Variants in PDZRN3 observed in about 807,000 individuals in gnomAD.
PDZRN3 encodes E3 ubiquitin-protein ligase PDZRN3.
A neutral mutation model predicts 85.7 loss-of-function variants in PDZRN3; 38 were observed. The observed-to-expected ratio is 0.44, with a 90% CI of 0.34 to 0.58. The LOEUF (loss-of-function observed/expected upper bound fraction) is 0.58, where lower values mean the gene tolerates loss of function less well. Ranked by LOEUF, PDZRN3 falls within the 20% of genes least tolerant of loss-of-function variation. The probability of loss-of-function intolerance (pLI) is 0.01; values close to 1 mark genes in which losing one functional copy is unlikely to be tolerated. For missense variants in PDZRN3, 1,629 were observed against 1,506.4 expected, an observed-to-expected ratio of 1.08 and a Z score of -1.35; for synonymous variants, 759 against 638.0, an observed-to-expected ratio of 1.19 and a Z score of -2.86.
chr3:73,524,867 T>C (rs995288280), intron 3 of PDZRN3, among the ~76,000 whole-genome samples: 1 of 151,224 alleles, frequency 6.6e-6, no homozygotes, highest in Non-Finnish European at 1.5e-5. Flanking sequence ...GGGCAGGAGA[T>C]CTATGATTTT....
At chr3:73,539,920 C>T (rs1235637615) in intron 3 of PDZRN3, among the ~76,000 whole-genome samples, 1 of 151,640 alleles carries the variant, frequency 6.6e-6, no homozygotes, top group Non-Finnish European at 1.5e-5. Flanking sequence ...TTGTGGTGAG[C>T]ATAAATATAC....
intron 3 of PDZRN3, among the ~76,000 whole-genome samples, chr3:73,457,748 G>A (rs1703015986): frequency 6.6e-6 from 1 of 152,100 alleles, no homozygotes; most frequent in Non-Finnish European, 1.5e-5. Context: ...AGACCTCAAC[G>A]AATGCCATGA....
chr3:73,557,349 C>T (rs775614338), intron 3 of PDZRN3, among the ~76,000 whole-genome samples: 11 of 152,194 alleles, frequency 7.2e-5, no homozygotes, highest in Admixed American at 3.9e-4. Flanking sequence ...ACAACAGCTG[C>T]TTCAAGTTAA....
At chr3:73,491,362 G>A (rs1225049239) in intron 3 of PDZRN3, among the ~76,000 whole-genome samples, 2 of 152,124 alleles carry the variant, frequency 1.3e-5, no homozygotes, top group South Asian at 2.1e-4. Flanking sequence ...AATGCTTTTT[G>A]TACCACTCCT....
intron 5 of PDZRN3, among the ~76,000 whole-genome samples, chr3:73,400,548 T>C (rs1427884177): frequency 3.9e-5 from 6 of 152,224 alleles, no homozygotes; most frequent in Non-Finnish European, 5.9e-5. Context: ...CCACCTACTC[T>C]TGAGCCATCT....
rs768723666 is a variant in PDZRN3 at position 73,383,978 on chromosome 3, T to C, written c.2588A>G (p.Tyr863Cys). 24 of 1,593,892 alleles carry C rather than the reference T, an allele frequency of 1.5e-5. 1 individual carries two copies. Among genetic ancestry groups the C allele is most frequent in the Middle Eastern group, 1.7e-4 (1 of 5,966 alleles). Reference sequence around the variant, plus strand: ...CGCGTGCTTGTATGGGGAGTGGTGATAGGAGGGCAGGTAGGCGCTGCCCAG... The same window carrying C: ...CGCGTGCTTGTATGGGGAGTGGTGACAGGAGGGCAGGTAGGCGCTGCCCAG... ...QKLGSAYLPSYHHSPYKHAHI... is the reference protein window; with the variant it reads ...QKLGSAYLPSCHHSPYKHAHI... The change falls in exon 10 of 10, where the codon TAT (tyrosine) becomes TGT (cysteine). Residue 863 changes from tyrosine to cysteine, a missense_variant. Physicochemically the swap from Tyr to Cys is radical, Grantham distance 194. Transcript: ENST00000263666.
chr3:73,516,730 T>C (rs1704263077), intron 3 of PDZRN3, among the ~76,000 whole-genome samples: 1 of 152,214 alleles, frequency 6.6e-6, no homozygotes, highest in South Asian at 2.1e-4. Flanking sequence ...AAAACAACCC[T>C]GGCCAAAATT....
At chr3:73,462,440 G>A (rs1361971662) in intron 3 of PDZRN3, among the ~76,000 whole-genome samples, 2 of 150,648 alleles carry the variant, frequency 1.3e-5, no homozygotes, top group Non-Finnish European at 2.9e-5. Context: ...AGCTACTTGG[G>A]AGCCCGAAGC....
intron 3 of PDZRN3, among the ~76,000 whole-genome samples, chr3:73,413,185 C>G (rs1442135179): frequency 2.0e-5 from 3 of 152,118 alleles, no homozygotes; most frequent in Non-Finnish European, 4.4e-5. Flanking sequence ...TGTGAAGATT[C>G]CTTGTAAAGA....
intron 1 of PDZRN3, among the ~76,000 whole-genome samples, chr3:73,614,483 T>C (rs1272024754): frequency 6.6e-6 from 1 of 152,172 alleles, no homozygotes; most frequent in Non-Finnish European, 1.5e-5. Context: ...CCTAATGATG[T>C]CTGTTGTGGG....
At chr3:73,428,904 TC>T (rs62883261) in intron 3 of PDZRN3, among the ~76,000 whole-genome samples, 1 of 151,520 alleles carries the variant, frequency 6.6e-6, no homozygotes, top group African/African-American at 2.4e-5. Context: ...GTTTTTTTTT[TC>T]CCCCAGAGAA....
intron 2 of PDZRN3, among the ~76,000 whole-genome samples, chr3:73,605,917 C>T (rs1028733003): frequency 5.9e-5 from 9 of 152,244 alleles, no homozygotes; most frequent in African/African-American, 2.2e-4. Context: ...GTACTTAAAG[C>T]ACCTTTTGTA....
chr3:73,582,786 A>G (rs1702220642), intron 3 of PDZRN3, among the ~76,000 whole-genome samples: 1 of 152,164 alleles, frequency 6.6e-6, no homozygotes, highest in African/African-American at 2.4e-5. Flanking sequence ...TGAGAATGAT[A>G]CTATGTATTA....
intron 6 of PDZRN3, 60 bp from the exon 7 acceptor site, chr3:73,389,938 C>G: frequency 8.2e-7 from 1 of 1,220,558 alleles, no homozygotes; most frequent in Non-Finnish European, 1.2e-6. Context: ...TAAGCAACAG[C>G]ACTTTCAAAA....
intron 5 of PDZRN3, among the ~76,000 whole-genome samples, chr3:73,398,648 G>GAGAA (rs1181782115): frequency 1.3e-5 from 2 of 152,196 alleles, no homozygotes; most frequent in African/African-American, 4.8e-5. Context: ...ATGCTTTGAG[G>GAGAA]AGAAAGACTC....
At chr3:73,563,015 T>TACATATATATATATA (rs1575738783) in intron 3 of PDZRN3, among the ~76,000 whole-genome samples, 1 of 19,872 alleles carries the variant, frequency 5.0e-5, no homozygotes. Context: ...ATATATATAT[T>TACATATATATATATA]TTTTTTTTTT....
intron 3 of PDZRN3, among the ~76,000 whole-genome samples, chr3:73,587,311 C>G (rs1702292173): frequency 6.6e-6 from 1 of 152,144 alleles, no homozygotes; most frequent in South Asian, 2.1e-4. Context: ...GGCTCACTTA[C>G]ATTTGTGAGT....
rs1393559489 is a variant in PDZRN3 at position 73,615,118 on chromosome 3, CATA to C, written c.724-6437_724-6435del. ...AAAAAAACAAGAGCTTTTCCAGAGTCATAATATCTGCACAATAGTTCACATGGT... is the reference window on the plus strand; with the variant it reads ...AAAAAAACAAGAGCTTTTCCAGAGTCATATCTGCACAATAGTTCACATGGT... On this transcript the variant is annotated intron_variant, in intron 1 of 9. Coordinates refer to ENST00000263666, the MANE Select transcript of PDZRN3 (RefSeq NM_015009.3). Among the ~76,000 whole-genome samples, 6 of 152,208 alleles carry C rather than the reference CATA, an allele frequency of 3.9e-5. No individual in the cohort carries two copies. The South Asian group carries it at 1.2e-3, about 32-fold the overall frequency.
intron 3 of PDZRN3, among the ~76,000 whole-genome samples, chr3:73,431,881 G>A (rs555779794): frequency 6.6e-6 from 1 of 151,934 alleles, no homozygotes; most frequent in African/African-American, 2.4e-5. Flanking sequence ...GGGCTGGGGG[G>A]ACTGAGCACA....
Sources: allele counts gnomAD v4.1 joint callset (sites outside exome capture counted in the v4.1 genomes callset), GRCh38; gene constraint gnomAD v4.1.1; transcripts MANE v1.5; gene names NCBI Gene and HGNC (gene_info 2026-07-23, HGNC 2026-07-21).